ZMAT1: variants seen among roughly 807,000 people sequenced by gnomAD.
The protein encoded by ZMAT1 is zinc finger matrin-type protein 1.
A neutral mutation model predicts 18.5 loss-of-function variants in ZMAT1; 11 were observed. That is an observed-to-expected ratio of 0.59 (90% CI 0.37 to 0.98). The LOEUF (loss-of-function observed/expected upper bound fraction) is 0.98. Ranked by LOEUF, ZMAT1 falls within the 50% of genes least tolerant of loss-of-function variation. ZMAT1 has a pLI of 0.01. For missense variants in ZMAT1, 525 were observed against 496.2 expected (o/e 1.06, Z -0.55); for synonymous variants, 211 against 176.4 (o/e 1.20, Z -1.55).
rs1333586395 is a variant in ZMAT1 at position 101,892,328 on chromosome X, A to AT, written c.676+5539dup. Among the ~76,000 whole-genome samples, 3 of 111,697 alleles carry AT rather than the reference A, an allele frequency of 2.7e-5. No homozygotes were observed. In the East Asian group the frequency reaches 8.5e-4, roughly 32 times the overall value. Reference sequence around the variant, plus strand: ...AATCCTGCTACTAGGGAGTGAGAGAATAACAATGAGGTACAAGTAAGCTTT... The same window carrying AT: ...AATCCTGCTACTAGGGAGTGAGAGAATTAACAATGAGGTACAAGTAAGCTTT... On this transcript the variant is annotated intron_variant, in intron 4 of 5. Transcript: ENST00000651725.
chrX:101,919,018 GTC>G (rs1399470434), intron 1 of ZMAT1, among the ~76,000 whole-genome samples: 2 of 110,853 alleles, frequency 1.8e-5, no homozygotes, highest in Non-Finnish European at 3.8e-5. Context: ...CAAGTTCTTG[GTC>G]TCTCTTTTTT....
chrX:101,895,499 A>G (rs1927733845), intron 4 of ZMAT1, among the ~76,000 whole-genome samples: 1 of 111,312 alleles, frequency 9.0e-6, no homozygotes, highest in Admixed American at 9.6e-5. Context: ...TCAACCTCTC[A>G]CTCAAGAAGA....
intron 1 of ZMAT1, among the ~76,000 whole-genome samples, chrX:101,906,345 G>A (rs1162203540): frequency 9.0e-6 from 1 of 111,714 alleles, no homozygotes; most frequent in Non-Finnish European, 1.9e-5. Flanking sequence ...TCAGGCCAGG[G>A]TCAGCTCCAG....
At chrX:101,917,640 A>G (rs1929424535) in intron 1 of ZMAT1, among the ~76,000 whole-genome samples, 2 of 112,582 alleles carry the variant, frequency 1.8e-5, no homozygotes, top group African/African-American at 6.5e-5. Context: ...GGTTCCTCAA[A>G]AAAATAAATT....
At chrX:101,921,919 C>T (rs186277011) in intron 1 of ZMAT1, among the ~76,000 whole-genome samples, 209 of 111,541 alleles carry the variant, frequency 1.9e-3, no homozygotes, top group Middle Eastern at 4.7e-3. Flanking sequence ...GCTCAGCTAA[C>T]TTTCGATTAA....
At chrX:101,904,624 A>G (rs754832400) in intron 1 of ZMAT1, among the ~76,000 whole-genome samples, 22 of 111,249 alleles carry the variant, frequency 2.0e-4, no homozygotes, top group Non-Finnish European at 3.8e-4. Context: ...GACTTGGGAC[A>G]CCAGTAATTA....
intron 4 of ZMAT1, chrX:101,890,165 A>G (rs1927278244): frequency 8.9e-6 from 1 of 112,041 alleles, no homozygotes; most frequent in Non-Finnish European, 1.9e-5. Flanking sequence ...CCCTCTATAC[A>G]ACACTGACTC....
chrX:101,931,516 G>A (rs929872228), intron 1 of ZMAT1: 1 of 751,331 alleles, frequency 1.3e-6, no homozygotes, highest in Non-Finnish European at 1.6e-6. Context: ...GGGAGAGGTA[G>A]GGAAGGCCCT....
At chrX:101,931,548 A>C in intron 1 of ZMAT1, 169 bp downstream of exon 1, 1 of 728,565 alleles carries the variant, frequency 1.4e-6, no homozygotes. Context: ...TCCATCTTGC[A>C]CACTCGGGGC....
intron 4 of ZMAT1, chrX:101,890,188 T>C (rs766231597): frequency 8.9e-6 from 1 of 112,136 alleles, no homozygotes; most frequent in Non-Finnish European, 1.9e-5. Flanking sequence ...AATAAACAAT[T>C]TGCAAATATG....
At position 101,911,759 on chromosome X, in the gene ZMAT1, T is replaced by C. The variant is rs191105478; in HGVS notation, c.293-7429A>G. ...AGAGAAACCCTATGAATGTAACCAG[T>C]GTGGCAGAGCCTTCGGCCAGAGCTC... On this transcript the variant is annotated intron_variant, in intron 1 of 5. Transcript: ENST00000651725. 1.2e-5 allele frequency: 14 copies of C among 1,208,009 alleles called. No individual in the cohort carries two copies. In the East Asian group the frequency reaches 2.7e-4, roughly 23 times the overall value.
chrX:101,917,784 C>T (rs934225165), intron 1 of ZMAT1, among the ~76,000 whole-genome samples: 7 of 112,291 alleles, frequency 6.2e-5, no homozygotes, highest in East Asian at 5.6e-4. Context: ...TGGAAGCAAC[C>T]GAAGTGTCCA....
At chrX:101,894,352 G>T in intron 4 of ZMAT1, 1 of 643,040 alleles carries the variant, frequency 1.6e-6, no homozygotes, top group Non-Finnish European at 1.9e-6. Flanking sequence ...CGCAGGGCTG[G>T]AGATAAGGGG....
At chrX:101,924,011 T>A (rs1929897677) in intron 1 of ZMAT1, among the ~76,000 whole-genome samples, 1 of 112,470 alleles carries the variant, frequency 8.9e-6, no homozygotes, top group Non-Finnish European at 1.9e-5. Flanking sequence ...ATTTTTTCAA[T>A]ATTTCTAGCC....
In ZMAT1 at chrX:101,882,893, T is replaced by C. The variant is rs1926581487; in HGVS notation, c.*617A>G. 9.1e-6 allele frequency: 1 copy of C among 110,494 alleles called. No individual in the cohort carries two copies. Among genetic ancestry groups the C allele is most frequent in the Non-Finnish European group, 1.9e-5 (1 of 52,643 alleles). The allele number at this position is 110,494 out of a possible 1,213,427, so 9.1% of individuals were successfully genotyped here. A position where few individuals can be genotyped will look rare whatever the true frequency, so the allele number is the denominator to read the frequency against. On this transcript the variant is annotated 3_prime_UTR_variant, in exon 6 of 6. Transcript: ENST00000651725. ...AACCAAACTTTTTTTCCTTCAACTT[T>C]GAAGGAACAAAACTAAAAAGTTGAA...
chrX:101,921,025 GA>G (rs34927033), intron 1 of ZMAT1, among the ~76,000 whole-genome samples: 1,533 of 98,709 alleles, frequency 0.016, 13 homozygotes, highest in African/African-American at 0.036. Flanking sequence ...AGAGATTTTT[GA>G]AAAAAAAAAA....
intron 1 of ZMAT1, 62 bp downstream of exon 1, chrX:101,931,655 C>T (rs1486096229): frequency 6.7e-6 from 5 of 745,162 alleles, no homozygotes; most frequent in Non-Finnish European, 7.9e-6. Context: ...CAATCTCGGA[C>T]GGGCTGAAGA....
intron 4 of ZMAT1, chrX:101,887,422 A>C (rs1372419612): frequency 5.4e-6 from 1 of 183,690 alleles, no homozygotes; most frequent in African/African-American, 3.1e-5. Context: ...GGGATACATT[A>C]ATTTTTTAAA....
chrX:101,886,748 T>C lies in ZMAT1; in HGVS notation c.677-17A>G. On this transcript the variant is annotated splice_polypyrimidine_tract_variant and intron_variant, in intron 4 of 5. Transcript: ENST00000651725. ...TACTAAATGCTGAAAAAACAAAGAG[T>C]TCAAGTTAAGAAGGTCAGTATAAAT... The C allele has an allele frequency of 2.7e-6, 3 of 1,116,357 alleles. No individual in the cohort carries two copies. Among genetic ancestry groups the C allele is most frequent in the Non-Finnish European group, 3.7e-6 (3 of 818,491 alleles). The allele number at this position is 1,116,357 out of a possible 1,213,427, so 92.0% of individuals were successfully genotyped here. A position where few individuals can be genotyped will look rare whatever the true frequency, so the allele number is the denominator to read the frequency against.
Sources: gnomAD v4.1 joint callset for allele counts (sites outside exome capture counted in the v4.1 genomes callset) on GRCh38, gnomAD v4.1.1 for gene constraint, MANE v1.5 for transcripts, NCBI Gene and HGNC (gene_info 2026-07-23, HGNC 2026-07-21) for gene names.